ATG13: variants seen among roughly 807,000 people sequenced by gnomAD.
ATG13 encodes the protein autophagy related 13.
ATG13 carries 23 observed loss-of-function variants against 65.5 expected under a neutral mutation model. That is an observed-to-expected ratio of 0.35 (90% CI 0.25 to 0.50). The LOEUF is 0.50. Ranked by LOEUF, ATG13 falls within the 20% of genes least tolerant of loss-of-function variation. The pLI is 0.98. For missense variants in ATG13, 566 were observed against 677.0 expected (o/e 0.84, Z 1.82); for synonymous variants, 252 against 245.2 (o/e 1.03, Z -0.26).
At chr11:46,650,426 T>G in intron 7 of ATG13, 109 bp downstream of exon 7, 1 of 1,400,290 alleles carries the variant, frequency 7.1e-7, no homozygotes, top group Non-Finnish European at 9.7e-7. Flanking sequence ...GGTTGGTTTG[T>G]TGGATTATTG....
At chr11:46,635,949 G>A (rs1013248181) in intron 2 of ATG13, among the ~76,000 whole-genome samples, 1 of 152,028 alleles carries the variant, frequency 6.6e-6, no homozygotes, top group Non-Finnish European at 1.5e-5. Flanking sequence ...TTCTTTCTTT[G>A]TTTTTCTTCT....
intron 5 of ATG13, among the ~76,000 whole-genome samples, chr11:46,646,584 C>G (rs1164858219): frequency 6.6e-6 from 1 of 152,120 alleles, no homozygotes; most frequent in East Asian, 1.9e-4. Flanking sequence ...CTGCTTTAGC[C>G]TCCCAAGTGG....
At chr11:46,632,808 T>A (rs1402671115) in intron 2 of ATG13, among the ~76,000 whole-genome samples, 2 of 151,706 alleles carry the variant, frequency 1.3e-5, no homozygotes, top group Admixed American at 6.6e-5. Flanking sequence ...AAACAGTATC[T>A]TTTTAGGAAA....
intron 2 of ATG13, among the ~76,000 whole-genome samples, chr11:46,642,971 G>A (rs1403044421): frequency 1.3e-5 from 2 of 152,202 alleles, no homozygotes; most frequent in East Asian, 3.9e-4. Flanking sequence ...CTTTATCCCA[G>A]TGAACAGTTT....
chr11:46,663,345 C>G (rs2061580121), intron 11 of ATG13, among the ~76,000 whole-genome samples: 1 of 151,452 alleles, frequency 6.6e-6, no homozygotes, highest in African/African-American at 2.4e-5. Flanking sequence ...CCTTAAGTAG[C>G]TTTGAAATCA....
intron 1 of ATG13, chr11:46,621,211 C>G (rs2047389677): frequency 6.6e-6 from 1 of 152,130 alleles, no homozygotes; most frequent in Non-Finnish European, 1.5e-5. Flanking sequence ...GACTGGATTT[C>G]TCCATGTTGG....
chr11:46,618,764 C>G (rs547841557), intron 1 of ATG13, among the ~76,000 whole-genome samples: 240 of 151,172 alleles, frequency 1.6e-3, no homozygotes, highest in African/African-American at 5.5e-3. Context: ...TTGTTGTTTT[C>G]AACTCTCCAT....
At chr11:46,628,105 A>AG (rs1237693939) in intron 1 of ATG13, among the ~76,000 whole-genome samples, 1 of 149,498 alleles carries the variant, frequency 6.7e-6, no homozygotes, top group African/African-American at 2.5e-5. Flanking sequence ...AAAAAAAGGC[A>AG]GGAAAAAAAG....
In ATG13 at chr11:46,665,369, AT is replaced by A; in HGVS notation, c.1000-9del. The stretch of plus-strand genomic sequence containing the variant: ...ATGCCATGATTCACTGTCTCTTTCC[AT>A]TTTTCCCCAAAGCTGATGGTTCCTG... On this transcript the variant is annotated splice_polypyrimidine_tract_variant and intron_variant, in intron 13 of 18. Coordinates refer to ENST00000683050, the MANE Select transcript of ATG13 (RefSeq NM_001346311.2). The A allele has an allele frequency of 2.5e-6, 4 of 1,611,316 alleles. No homozygotes were observed. The highest frequency in any genetic ancestry group is 1.3e-5 in the African/African-American group (1 of 74,894).
chr11:46,646,160 T>G (rs1279356038), intron 5 of ATG13, among the ~76,000 whole-genome samples, 171 bp downstream of exon 5: 1 of 152,148 alleles, frequency 6.6e-6, no homozygotes, highest in African/African-American at 2.4e-5. Context: ...TTTTGTTTTG[T>G]TTTTTTGAGA....
At chr11:46,622,633 G>A (rs2048116883) in intron 1 of ATG13, among the ~76,000 whole-genome samples, 1 of 152,102 alleles carries the variant, frequency 6.6e-6, no homozygotes, top group African/African-American at 2.4e-5. Context: ...TATAATCCAT[G>A]GTGTCTGCTG....
Position 46,672,438 on chromosome 11 carries a change from G to A in ATG13, c.*106G>A. On this transcript the variant is annotated 3_prime_UTR_variant, in exon 19 of 19. Transcript: ENST00000683050. ...CCCTCATCCTGCTCTGAGCCAGGTG[G>A]AAGGGAGGCTGGCTTCTCCCATGGG... 6.3e-7 allele frequency: 1 copy of A among 1,591,732 alleles called. No individual in the cohort carries two copies. The highest frequency in any genetic ancestry group is 2.2e-5 in the East Asian group (1 of 44,614).
chr11:46,659,378 T>C lies in ATG13; in HGVS notation c.696-14T>C. Reference sequence around the variant, plus strand: ...ACCACCATAAAATTCATTATTTCTTTCTTTTCACTTTAGAACTGCTGGTGA... The same window carrying C: ...ACCACCATAAAATTCATTATTTCTTCCTTTTCACTTTAGAACTGCTGGTGA... On this transcript the variant is annotated splice_polypyrimidine_tract_variant and intron_variant, in intron 10 of 18. Coordinates refer to ENST00000683050, the MANE Select transcript of ATG13 (RefSeq NM_001346311.2). The C allele has an allele frequency of 6.3e-7, 1 of 1,597,374 alleles. No individual in the cohort carries two copies. The highest frequency in any genetic ancestry group is 8.6e-7 in the Non-Finnish European group (1 of 1,165,742).
intron 2 of ATG13, among the ~76,000 whole-genome samples, chr11:46,636,931 G>T (rs537042177): frequency 6.6e-5 from 10 of 152,156 alleles, no homozygotes; most frequent in Admixed American, 1.3e-4. Flanking sequence ...GTTTCACCAT[G>T]TTGGCTAGGA....
At chr11:46,646,067 C>G in intron 5 of ATG13, 78 bp downstream of exon 5, 1 of 1,555,724 alleles carries the variant, frequency 6.4e-7, no homozygotes. Context: ...ATTTCTCAGT[C>G]TTATTCCTGC....
chr11:46,671,413 C>T (rs192815211), intron 18 of ATG13, among the ~76,000 whole-genome samples: 17 of 152,314 alleles, frequency 1.1e-4, no homozygotes, highest in African/African-American at 2.6e-4. Context: ...CTCTCAATCT[C>T]TAACTCACCC....
intron 14 of ATG13, 72 bp from the exon 15 acceptor site, chr11:46,667,701 G>C (rs2062673626): frequency 8.4e-7 from 1 of 1,189,302 alleles, no homozygotes; most frequent in African/African-American, 1.5e-5. Context: ...CCACCAGATG[G>C]TGTATTTATA....
intron 2 of ATG13, among the ~76,000 whole-genome samples, chr11:46,637,870 G>A (rs1013498865): frequency 6.6e-6 from 1 of 152,144 alleles, no homozygotes. Context: ...AGGGCATCCT[G>A]TGTGATTGGT....
chr11:46,629,269 A>G (rs2050823298), intron 1 of ATG13, among the ~76,000 whole-genome samples: 2 of 151,980 alleles, frequency 1.3e-5, no homozygotes, highest in Admixed American at 6.6e-5. Flanking sequence ...CTGTCACAAG[A>G]GATTACATTT....
Sources: allele counts gnomAD v4.1 joint callset (sites outside exome capture counted in the v4.1 genomes callset), GRCh38; gene constraint gnomAD v4.1.1; transcripts MANE v1.5; gene names NCBI Gene and HGNC (gene_info 2026-07-23, HGNC 2026-07-21).